Variants in RAP1A observed in about 807,000 individuals in gnomAD.
The protein encoded by RAP1A is RAP1A, member of RAS oncogene family.
In RAP1A, 6 loss-of-function variants were observed where a neutral mutation model predicts 26.4. That is an observed-to-expected ratio of 0.23 (90% CI 0.12 to 0.45). The LOEUF is 0.45. Ranked by LOEUF, RAP1A falls within the 20% of genes least tolerant of loss-of-function variation. RAP1A has a pLI of 0.99. For missense variants in RAP1A, 121 were observed against 217.2 expected, an observed-to-expected ratio of 0.56 and a Z score of 2.78; for synonymous variants, 73 against 79.4, an observed-to-expected ratio of 0.92 and a Z score of 0.43.
chr1:111,650,958 C>T (rs1478458173), intron 1 of RAP1A, among the ~76,000 whole-genome samples: 1 of 152,044 alleles, frequency 6.6e-6, no homozygotes, highest in African/African-American at 2.4e-5. Flanking sequence ...CCCGCCACCA[C>T]GCCCGGCTAA....
At chr1:111,711,058 C>T (rs1305158094) in intron 7 of RAP1A, among the ~76,000 whole-genome samples, 1 of 152,174 alleles carries the variant, frequency 6.6e-6, no homozygotes, top group African/African-American at 2.4e-5. Flanking sequence ...TCTCAAACTC[C>T]TGACCTCAGG....
chr1:111,604,423 G>A (rs1658731013), intron 1 of RAP1A: 1 of 152,070 alleles, frequency 6.6e-6, no homozygotes, highest in South Asian at 2.1e-4. Flanking sequence ...TCTTGTGAGG[G>A]GACTCCCCAT....
chr1:111,569,216 C>A (rs1030220922), intron 1 of RAP1A, among the ~76,000 whole-genome samples: 1 of 152,000 alleles, frequency 6.6e-6, no homozygotes, highest in African/African-American at 2.4e-5. Context: ...GCCTGAGCAA[C>A]ATAGTGAAAC....
At position 111,655,728 on chromosome 1, in the gene RAP1A, CGCAATCTCACTGCTTGCTCACT is replaced by C. The variant is rs369130255; in HGVS notation, c.-27-35601_-27-35580del. The stretch of plus-strand genomic sequence containing the variant: ...TGTCGCCCAGGCTGGAGTGCAGTGG[CGCAATCTCACTGCTTGCTCACT>C]GCAAGCTCCGTCTCCTGGGTTCACA... On this transcript the variant is annotated intron_variant, in intron 1 of 7. Coordinates refer to ENST00000369709, the MANE Select transcript of RAP1A (RefSeq NM_002884.4). Among the ~76,000 whole-genome samples, 1,009 of 132,868 alleles carry C rather than the reference CGCAATCTCACTGCTTGCTCACT, an allele frequency of 7.6e-3. 9 individuals are homozygous for C. The highest frequency in any genetic ancestry group is 0.028 in the African/African-American group (970 of 35,118). 87.2% of individuals were successfully genotyped at this position (132,868 alleles called of 152,430 possible).
intron 1 of RAP1A, among the ~76,000 whole-genome samples, chr1:111,673,688 G>A (rs942164726): frequency 6.6e-6 from 1 of 152,114 alleles, no homozygotes; most frequent in Non-Finnish European, 1.5e-5. Context: ...GGGAGTGCAG[G>A]GCACAAGAGA....
At position 111,653,607 on chromosome 1, in the gene RAP1A, G is replaced by A. The variant is rs1440369748; in HGVS notation, c.-28+33673G>A. ...GCTGAGGCAGGAGAATCCTTGAACC[G>A]GGAAGGCGGAGGTTGCAGTGAGCCG... On this transcript the variant is annotated intron_variant, in intron 1 of 7. Coordinates refer to ENST00000369709, the MANE Select transcript of RAP1A (RefSeq NM_002884.4). 3.3e-5 allele frequency among the ~76,000 whole-genome samples: 5 copies of A among 149,776 alleles called. No individual in the cohort carries two copies. The South Asian group carries it at 6.3e-4, about 19-fold the overall frequency.
intron 2 of RAP1A, 110 bp downstream of exon 2, chr1:111,691,527 A>G (rs1661668017): frequency 1.1e-6 from 1 of 893,576 alleles, no homozygotes; most frequent in South Asian, 1.5e-5. Flanking sequence ...ATTATTATAT[A>G]TCTGATATCT....
intron 1 of RAP1A, among the ~76,000 whole-genome samples, chr1:111,655,391 G>C (rs1660421177): frequency 6.6e-6 from 1 of 151,822 alleles, no homozygotes; most frequent in African/African-American, 2.4e-5. Context: ...CTGCTTGATA[G>C]GAACAAACTT....
chr1:111,574,514 C>T (rs1264951916), intron 1 of RAP1A, among the ~76,000 whole-genome samples: 4 of 152,176 alleles, frequency 2.6e-5, no homozygotes, highest in Admixed American at 6.5e-5. Flanking sequence ...TAGTTTGATA[C>T]GAATAGCACT....
chr1:111,685,183 C>T (rs1207532324), intron 1 of RAP1A, among the ~76,000 whole-genome samples: 1 of 152,044 alleles, frequency 6.6e-6, no homozygotes, highest in East Asian at 1.9e-4. Flanking sequence ...AGAAGATAAC[C>T]TAGGCGATAC....
At chr1:111,650,779 G>T (rs540945787) in intron 1 of RAP1A, among the ~76,000 whole-genome samples, 1 of 152,084 alleles carries the variant, frequency 6.6e-6, no homozygotes, top group South Asian at 2.1e-4. Context: ...GTAAAATGAT[G>T]TGTGTCCACC....
At chr1:111,701,253 T>C (rs1662012796) in intron 4 of RAP1A, among the ~76,000 whole-genome samples, 1 of 152,286 alleles carries the variant, frequency 6.6e-6, no homozygotes, top group African/African-American at 2.4e-5. Context: ...TCATACACTT[T>C]AGACATGTTT....
intron 1 of RAP1A, among the ~76,000 whole-genome samples, chr1:111,676,869 C>A (rs1661142033): frequency 6.6e-6 from 1 of 151,946 alleles, no homozygotes; most frequent in Non-Finnish European, 1.5e-5. Flanking sequence ...TCTCAACTCA[C>A]TGTACCCTCC....
intron 4 of RAP1A, among the ~76,000 whole-genome samples, chr1:111,702,961 G>A (rs1434013812): frequency 6.6e-6 from 1 of 152,178 alleles, no homozygotes; most frequent in African/African-American, 2.4e-5. Flanking sequence ...TGCCAGTAGA[G>A]ATATTGATTC....
chr1:111,703,647 G>A (rs565268069), intron 5 of RAP1A, among the ~76,000 whole-genome samples, 171 bp downstream of exon 5: 1 of 152,294 alleles, frequency 6.6e-6, no homozygotes, highest in South Asian at 2.1e-4. Context: ...TCAAAATTAT[G>A]TGGTGAGATG....
At chr1:111,687,310 C>A (rs1283038330) in intron 1 of RAP1A, among the ~76,000 whole-genome samples, 1 of 151,306 alleles carries the variant, frequency 6.6e-6, no homozygotes, top group Admixed American at 6.6e-5. Flanking sequence ...TGGGTTTAAG[C>A]AATTCTCCTG....
chr1:111,611,481 G>A (rs1658925690), intron 1 of RAP1A, among the ~76,000 whole-genome samples: 1 of 152,144 alleles, frequency 6.6e-6, no homozygotes, highest in African/African-American at 2.4e-5. Flanking sequence ...GAATCATAAT[G>A]TCAATTTAAA....
At chr1:111,551,126 T>C (rs1434552845) in intron 1 of RAP1A, among the ~76,000 whole-genome samples, 1 of 152,228 alleles carries the variant, frequency 6.6e-6, no homozygotes, top group African/African-American at 2.4e-5. Context: ...TGTTTGTGTC[T>C]TTAAATCTAA....
At chr1:111,631,131 A>G (rs1012791172) in intron 1 of RAP1A, among the ~76,000 whole-genome samples, 10 of 152,232 alleles carry the variant, frequency 6.6e-5, no homozygotes, top group Non-Finnish European at 8.8e-5. Context: ...GACTCAAATC[A>G]TTATCATACA....
Sources: gnomAD v4.1 joint callset for allele counts (sites outside exome capture counted in the v4.1 genomes callset) on GRCh38, gnomAD v4.1.1 for gene constraint, MANE v1.5 for transcripts, NCBI Gene and HGNC (gene_info 2026-07-23, HGNC 2026-07-21) for gene names.